Variants in LRRTM4 observed in about 807,000 individuals in gnomAD.
LRRTM4 encodes leucine-rich repeat transmembrane neuronal protein 4.
LRRTM4 carries 25 observed loss-of-function variants against 47.6 expected under a neutral mutation model. The ratio of observed to expected loss-of-function variants is 0.53; its 90% CI spans 0.38 to 0.73. The LOEUF (loss-of-function observed/expected upper bound fraction) is 0.73, where lower values mean the gene tolerates loss of function less well. Ranked by LOEUF, LRRTM4 falls within the 30% of genes least tolerant of loss-of-function variation. The pLI is 0.00. For missense variants in LRRTM4, 638 were observed against 713.4 expected (o/e 0.89, Z 1.20); for synonymous variants, 311 against 269.5 (o/e 1.15, Z -1.51).
chr2:77,422,250 T>C (rs1265894031), intron 3 of LRRTM4, among the ~76,000 whole-genome samples: 1 of 152,216 alleles, frequency 6.6e-6, no homozygotes, highest in Admixed American at 6.5e-5. Context: ...AGTAGAAATA[T>C]TTAAAGTAAA....
At chr2:77,062,149 G>A (rs1428625467) in intron 3 of LRRTM4, among the ~76,000 whole-genome samples, 1 of 151,948 alleles carries the variant, frequency 6.6e-6, no homozygotes, top group Non-Finnish European at 1.5e-5. Context: ...TTTCTTTTTT[G>A]GGGGGTGGCA....
chr2:76,829,491 A>G (rs942842273), intron 3 of LRRTM4, among the ~76,000 whole-genome samples: 1 of 151,852 alleles, frequency 6.6e-6, no homozygotes, highest in Non-Finnish European at 1.5e-5. Context: ...AGCTCTTATA[A>G]TCTGCACCAC....
chr2:76,765,767 G>A (rs926971320), intron 3 of LRRTM4, among the ~76,000 whole-genome samples: 1 of 152,174 alleles, frequency 6.6e-6, no homozygotes, highest in Non-Finnish European at 1.5e-5. Flanking sequence ...CAACCCATCT[G>A]TGGTATTTCA....
intron 3 of LRRTM4, among the ~76,000 whole-genome samples, chr2:77,138,579 A>G (rs1450636153): frequency 1.3e-5 from 2 of 152,214 alleles, no homozygotes; most frequent in East Asian, 3.9e-4. Context: ...AAGCAAGAGC[A>G]AACACATTCA....
intron 2 of LRRTM4, 111 bp downstream of exon 2, chr2:77,521,557 G>A: frequency 1.6e-6 from 2 of 1,227,984 alleles, no homozygotes; most frequent in Admixed American, 1.9e-5. Flanking sequence ...AAACTCAAAG[G>A]CTGCTGCTCT....
chr2:76,929,151 G>T (rs994680913), intron 3 of LRRTM4, among the ~76,000 whole-genome samples: 1 of 152,126 alleles, frequency 6.6e-6, no homozygotes, highest in East Asian at 1.9e-4. Flanking sequence ...AGGAGCTCTG[G>T]AGCGCTTCAA....
chr2:77,063,024 G>A (rs139924123), intron 3 of LRRTM4, among the ~76,000 whole-genome samples: 1,564 of 149,760 alleles, frequency 0.01, 37 homozygotes, highest in African/African-American at 0.036. Flanking sequence ...GCACGATCTC[G>A]GCTCACTGCA....
intron 3 of LRRTM4, among the ~76,000 whole-genome samples, chr2:77,483,631 G>A (rs532789622): frequency 1.3e-3 from 197 of 152,222 alleles, no homozygotes; most frequent in Non-Finnish European, 1.2e-3. Flanking sequence ...GTGAGCCACC[G>A]CACCCAGCAG....
At chr2:77,516,637 C>T (rs1004766572) in intron 3 of LRRTM4, 2 of 982,912 alleles carry the variant, frequency 2.0e-6, no homozygotes, top group African/African-American at 3.5e-5. Context: ...TGTGGGCCTG[C>T]AATAAAAACA....
rs147931324 is a variant in LRRTM4, at chr2:76,852,175, T to C, written c.1552-103259A>G. ...AAATTGCACAATAAGAAAGGAGGAGTTGTATTCCAACTCCAAACTTCTAAT... is the reference window on the plus strand; with the variant it reads ...AAATTGCACAATAAGAAAGGAGGAGCTGTATTCCAACTCCAAACTTCTAAT... On this transcript the variant is annotated intron_variant, in intron 3 of 3. Transcript: ENST00000409884. Among the ~76,000 whole-genome samples the C allele has an allele frequency of 3.8e-3, 582 of 151,906 alleles. 1 individual carries two copies. The highest frequency in any genetic ancestry group is 0.013 in the African/African-American group (558 of 41,426).
chr2:77,093,673 G>T (rs1371340273), intron 3 of LRRTM4, among the ~76,000 whole-genome samples: 1 of 151,796 alleles, frequency 6.6e-6, no homozygotes, highest in Non-Finnish European at 1.5e-5. Flanking sequence ...GGAATGTCAG[G>T]CCTCTGAGCC....
intron 3 of LRRTM4, among the ~76,000 whole-genome samples, chr2:76,979,052 A>G (rs1290608839): frequency 6.6e-6 from 1 of 152,036 alleles, no homozygotes; most frequent in Non-Finnish European, 1.5e-5. Context: ...TCAGAAAAGT[A>G]CCAGAGAAAC....
Position 76,799,443 on chromosome 2 carries a change from G to A in LRRTM4, c.1552-50527C>T, listed in dbSNP as rs376381879. Among the ~76,000 whole-genome samples, 244 of 131,100 alleles carry A rather than the reference G, an allele frequency of 1.9e-3. 9 individuals carry two copies. In the East Asian group the frequency reaches 0.048, roughly 26 times the overall value. The allele number at this position is 131,100 out of a possible 152,430, so 86.0% of individuals were successfully genotyped here. On this transcript the variant is annotated intron_variant, in intron 3 of 3. Coordinates refer to ENST00000409884, the MANE Select transcript of LRRTM4 (RefSeq NM_001134745.3). ...CTCTCAATAAATTAGGTATTGATGG[G>A]ACGTATCTCAAAATAATAAGAGCTA...
chr2:77,191,238 G>C (rs552101700), intron 3 of LRRTM4, among the ~76,000 whole-genome samples: 1 of 151,278 alleles, frequency 6.6e-6, no homozygotes, highest in African/African-American at 2.4e-5. Flanking sequence ...AAAAACACCC[G>C]AAGTGTTTCT....
At chr2:77,480,821 T>TGTGTGGAG (rs1220391895) in intron 3 of LRRTM4, among the ~76,000 whole-genome samples, 2 of 88,422 alleles carry the variant, frequency 2.3e-5, no homozygotes. Context: ...TGTGTGTGTG[T>TGTGTGGAG]GGAGAGAGAG....
At chr2:77,059,199 G>A (rs1036694473) in intron 3 of LRRTM4, among the ~76,000 whole-genome samples, 2 of 152,074 alleles carry the variant, frequency 1.3e-5, no homozygotes, top group Non-Finnish European at 2.9e-5. Flanking sequence ...CTAACAACCT[G>A]AAAGAATACA....
intron 3 of LRRTM4, among the ~76,000 whole-genome samples, chr2:77,405,099 T>A (rs1353116757): frequency 6.6e-6 from 1 of 152,152 alleles, no homozygotes; most frequent in Admixed American, 6.6e-5. Context: ...TGATTTAAAT[T>A]ACTCTTATAA....
intron 3 of LRRTM4, among the ~76,000 whole-genome samples, chr2:76,880,487 A>C (rs1314642470): frequency 6.6e-6 from 1 of 152,166 alleles, no homozygotes; most frequent in Non-Finnish European, 1.5e-5. Context: ...GGTAAACTAG[A>C]GTAGAGTTTA....
At chr2:77,064,688 G>A (rs985315681) in intron 3 of LRRTM4, among the ~76,000 whole-genome samples, 2 of 152,140 alleles carry the variant, frequency 1.3e-5, no homozygotes, top group Admixed American at 1.3e-4. Flanking sequence ...AAGATGAATG[G>A]TATCTTAGAT....
Sources: allele counts gnomAD v4.1 joint callset (sites outside exome capture counted in the v4.1 genomes callset), GRCh38; gene constraint gnomAD v4.1.1; transcripts MANE v1.5; gene names NCBI Gene and HGNC (gene_info 2026-07-23, HGNC 2026-07-21).